ZNF804A: variants seen among roughly 807,000 people sequenced by gnomAD.
The protein encoded by ZNF804A is zinc finger protein 804A.
A neutral mutation model predicts 16.5 loss-of-function variants in ZNF804A; 2 were observed. That is an observed-to-expected ratio of 0.12 (90% CI 0.05 to 0.38). The LOEUF (loss-of-function observed/expected upper bound fraction) is 0.38. Among genes scored for constraint, ZNF804A ranks in the 10% least tolerant of loss-of-function variants. The probability of loss-of-function intolerance (pLI) is 0.99; values close to 1 mark genes in which losing one functional copy is unlikely to be tolerated. For synonymous variants in ZNF804A, 534 were observed against 489.6 expected, an observed-to-expected ratio of 1.09 and a Z score of -1.20; for missense variants, 1,473 against 1,390.7, an observed-to-expected ratio of 1.06 and a Z score of -0.94.
intron 1 of ZNF804A, among the ~76,000 whole-genome samples, chr2:184,851,046 T>C (rs985918016): frequency 1.3e-5 from 2 of 151,864 alleles, no homozygotes; most frequent in Non-Finnish European, 2.9e-5. Flanking sequence ...ACACATTTTC[T>C]TTTATAAAAT....
intron 1 of ZNF804A, among the ~76,000 whole-genome samples, chr2:184,739,969 T>TAA (rs1693689444): frequency 6.6e-6 from 1 of 152,238 alleles, no homozygotes; most frequent in South Asian, 2.1e-4. Context: ...GTTGTTGAAT[T>TAA]AATTGAAATA....
chr2:184,829,741 AT>A (rs977204794), intron 1 of ZNF804A, among the ~76,000 whole-genome samples: 4 of 151,290 alleles, frequency 2.6e-5, no homozygotes, highest in East Asian at 1.9e-4. Flanking sequence ...CACTGATTAC[AT>A]TTTTTTCCTA....
At chr2:184,754,182 G>C (rs903779724) in intron 1 of ZNF804A, among the ~76,000 whole-genome samples, 1 of 151,768 alleles carries the variant, frequency 6.6e-6, no homozygotes, top group Non-Finnish European at 1.5e-5. Flanking sequence ...CCTCAATAAA[G>C]TTAGGTACTC....
chr2:184,621,103 A>G lies in ZNF804A; in HGVS notation c.111+22033A>G, dbSNP rs192521660. ...ATTTCAGAAGGCTAGAAAAAAATGTATGTACGTATATAAAATACTCAAAAT... is the reference window on the plus strand; with the variant it reads ...ATTTCAGAAGGCTAGAAAAAAATGTGTGTACGTATATAAAATACTCAAAAT... On this transcript the variant is annotated intron_variant, in intron 1 of 3. Transcript: ENST00000302277. Among the ~76,000 whole-genome samples, 57 of 151,792 alleles carry G rather than the reference A, an allele frequency of 3.8e-4. No individual in the cohort carries two copies. The East Asian group carries it at 8.9e-3, about 24-fold the overall frequency.
At chr2:184,691,506 C>T (rs1045337140) in intron 1 of ZNF804A, among the ~76,000 whole-genome samples, 1 of 151,450 alleles carries the variant, frequency 6.6e-6, no homozygotes, top group African/African-American at 2.4e-5. Flanking sequence ...TTTGTTGAGA[C>T]AAACTAGTTT....
At chr2:184,695,465 TAAAAAAAAAA>T (rs779929990) in intron 1 of ZNF804A, among the ~76,000 whole-genome samples, 4 of 51,854 alleles carry the variant, frequency 7.7e-5, no homozygotes, top group Non-Finnish European at 1.3e-4. Context: ...ACTCCGTCAT[TAAAAAAAAAA>T]AAAAAAAAAA....
At chr2:184,604,033 G>T (rs1691092846) in intron 1 of ZNF804A, among the ~76,000 whole-genome samples, 1 of 147,018 alleles carries the variant, frequency 6.8e-6, no homozygotes. Flanking sequence ...ACATACTTTT[G>T]TTAATTCATT....
At chr2:184,925,918 A>G (rs1027812717) in intron 2 of ZNF804A, among the ~76,000 whole-genome samples, 1 of 151,424 alleles carries the variant, frequency 6.6e-6, no homozygotes, top group Non-Finnish European at 1.5e-5. Context: ...TATCTTTTTT[A>G]TTCTTTTCTT....
At chr2:184,671,409 A>G (rs562545263) in intron 1 of ZNF804A, among the ~76,000 whole-genome samples, 1 of 152,304 alleles carries the variant, frequency 6.6e-6, no homozygotes, top group Admixed American at 6.5e-5. Flanking sequence ...ATTGCTGTGG[A>G]TTCTTTCTTG....
At chr2:184,622,584 A>G (rs1339824721) in intron 1 of ZNF804A, among the ~76,000 whole-genome samples, 1 of 151,896 alleles carries the variant, frequency 6.6e-6, no homozygotes, top group Non-Finnish European at 1.5e-5. Flanking sequence ...CCATATATAT[A>G]CACTTTGGAG....
chr2:184,692,822 C>A (rs1488731977), intron 1 of ZNF804A, among the ~76,000 whole-genome samples: 3 of 152,110 alleles, frequency 2.0e-5, no homozygotes, highest in African/African-American at 7.2e-5. Context: ...GTATAAGTAG[C>A]AAGTAGGATT....
At chr2:184,786,900 C>G (rs1694456732) in intron 1 of ZNF804A, among the ~76,000 whole-genome samples, 1 of 151,906 alleles carries the variant, frequency 6.6e-6, no homozygotes, top group Non-Finnish European at 1.5e-5. Flanking sequence ...AAATATCTTA[C>G]AGCAAATTTC....
chr2:184,797,394 C>T (rs1694650156), intron 1 of ZNF804A, among the ~76,000 whole-genome samples: 1 of 151,976 alleles, frequency 6.6e-6, no homozygotes, highest in Non-Finnish European at 1.5e-5. Context: ...CTCTTTGTCT[C>T]TTTTAACCAC....
intron 1 of ZNF804A, among the ~76,000 whole-genome samples, chr2:184,696,467 T>C (rs1692832620): frequency 6.6e-6 from 1 of 152,182 alleles, no homozygotes; most frequent in South Asian, 2.1e-4. Flanking sequence ...CTGGGACTGC[T>C]TATATGGCTT....
Position 184,937,289 on chromosome 2 carries a change from G to A in ZNF804A, c.1893G>A (p.Gly631=). ...EAENSYTENA[G]KYLLEPISEK... ...AGAATAGTTACACTGAAAATGCTGGGAAATATCTATTGGAACCAATTTCAG... is the reference window on the plus strand; with the variant it reads ...AGAATAGTTACACTGAAAATGCTGGAAAATATCTATTGGAACCAATTTCAG... The change falls in exon 4 of 4, where the codon GGG becomes GGA. Residue 631 remains glycine (G), a synonymous_variant. Transcript: ENST00000302277. The A allele has an allele frequency of 6.2e-7, 1 of 1,613,892 alleles. No homozygotes were observed. The highest frequency in any genetic ancestry group is 8.5e-7 in the Non-Finnish European group (1 of 1,179,922).
intron 1 of ZNF804A, among the ~76,000 whole-genome samples, chr2:184,812,569 C>T (rs1433273566): frequency 2.6e-5 from 4 of 152,024 alleles, no homozygotes; most frequent in Admixed American, 2.6e-4. Context: ...AGTACATAGG[C>T]AGTGGCCAAT....
intron 1 of ZNF804A, among the ~76,000 whole-genome samples, chr2:184,626,635 A>G (rs1559111582): frequency 6.6e-6 from 1 of 152,156 alleles, no homozygotes. Context: ...AATGGTCACA[A>G]ATTTAGAAAT....
chr2:184,777,146 T>A (rs1343278839), intron 1 of ZNF804A, among the ~76,000 whole-genome samples: 3 of 151,500 alleles, frequency 2.0e-5, no homozygotes, highest in East Asian at 1.9e-4. Context: ...TCATCCTCCT[T>A]ACCCAAAAGA....
chr2:184,938,855 G>A lies in ZNF804A; in HGVS notation c.3459G>A (p.Pro1153=), dbSNP rs141499616. Residue 1153 remains proline, a synonymous_variant, in exon 4 of 4, where the codon CCG becomes CCA. Transcript: ENST00000302277. ...LPQLSVGPVG[P]RLCPGNQPTF... is the part of the protein sequence containing the mutation. ...AGCTCTCAGTAGGACCAGTAGGACC[G>A]AGGCTTTGTCCTGGGAACCAGCCAA... 542 of 1,613,784 alleles carry A rather than the reference G, an allele frequency of 3.4e-4. 2 individuals are homozygous for A. The highest frequency in any genetic ancestry group is 2.0e-4 in the Admixed American group (12 of 59,970).
Sources: allele counts gnomAD v4.1 joint callset (sites outside exome capture counted in the v4.1 genomes callset), GRCh38; gene constraint gnomAD v4.1.1; transcripts MANE v1.5; gene names NCBI Gene and HGNC (gene_info 2026-07-23, HGNC 2026-07-21).